The following SCN2A variants were observed in gnomAD, a reference collection of about 807,000 sequenced individuals.
The protein encoded by SCN2A is sodium channel protein type 2 subunit alpha.
A neutral mutation model predicts 188.7 loss-of-function variants in SCN2A; 20 were observed. That is an observed-to-expected ratio of 0.11 (90% CI 0.07 to 0.15). The LOEUF is 0.15. Among genes scored for constraint, SCN2A ranks in the 10% least tolerant of loss-of-function variants. The pLI is 1.00. For synonymous variants in SCN2A, 804 were observed against 833.1 expected (o/e 0.97, Z 0.60); for missense variants, 1,278 against 2,445.0 (o/e 0.52, Z 10.07).
At chr2:165,299,492 A>G (rs1008546569) in intron 3 of SCN2A, among the ~76,000 whole-genome samples, 4 of 152,210 alleles carry the variant, frequency 2.6e-5, no homozygotes, top group African/African-American at 7.2e-5. Context: ...AAAGTCTCTA[A>G]TTTCCTGACT....
chr2:165,290,719 C>T, intron 1 of SCN2A: 6 of 968,322 alleles, frequency 6.2e-6, no homozygotes, highest in Non-Finnish European at 7.4e-6. Context: ...TGACACTCAT[C>T]ATAGAGATTT....
intron 11 of SCN2A, among the ~76,000 whole-genome samples, chr2:165,319,383 A>G (rs1481503657): frequency 6.6e-6 from 1 of 152,208 alleles, no homozygotes; most frequent in East Asian, 1.9e-4. Context: ...ACTGTAAATA[A>G]TGAATAGAAT....
chr2:165,306,788 T>C (rs1456330173), intron 3 of SCN2A, among the ~76,000 whole-genome samples: 1 of 152,134 alleles, frequency 6.6e-6, no homozygotes, highest in African/African-American at 2.4e-5. Context: ...TCATTATGTG[T>C]AAGTAATGTG....
At chr2:165,253,800 A>G (rs1018287417) in intron 1 of SCN2A, among the ~76,000 whole-genome samples, 6 of 152,020 alleles carry the variant, frequency 3.9e-5, no homozygotes, top group Non-Finnish European at 7.4e-5. Flanking sequence ...TATTACTGAT[A>G]TATCCTATTA....
intron 13 of SCN2A, chr2:165,327,289 C>T: frequency 2.8e-6 from 1 of 360,668 alleles, no homozygotes; most frequent in South Asian, 2.4e-5. Flanking sequence ...ATGATAAATG[C>T]TTATACTTAT....
Position 165,354,345 on chromosome 2 carries a change from A to G in SCN2A, c.3073A>G (p.Ile1025Val), listed in dbSNP as rs1326998965. 6.2e-7 allele frequency: 1 copy of G among 1,614,154 alleles called. No individual in the cohort carries two copies. Among genetic ancestry groups the G allele is most frequent in the East Asian group, 2.2e-5 (1 of 44,866 alleles). Residue 1025 changes from isoleucine (I) to valine (V), a missense_variant, in exon 17 of 27, where the codon ATT (isoleucine) becomes GTT (valine). Coordinates refer to ENST00000375437, the MANE Select transcript of SCN2A (RefSeq NM_001040142.2). ...DFVKRKIREF[I>V]QKAFVRKQKA... ...TGTTAAAAGAAAAATACGTGAATTTATTCAGAAAGCCTTTGTTAGGAAGCA... is the reference window on the plus strand; with the variant it reads ...TGTTAAAAGAAAAATACGTGAATTTGTTCAGAAAGCCTTTGTTAGGAAGCA...
chr2:165,298,721 C>T (rs1218932495), intron 3 of SCN2A, among the ~76,000 whole-genome samples: 3 of 152,106 alleles, frequency 2.0e-5, no homozygotes, highest in Non-Finnish European at 4.4e-5. Context: ...ATGTTTCAAG[C>T]ATTTGTAATC....
At chr2:165,289,874 T>A (rs901597919) in intron 1 of SCN2A, among the ~76,000 whole-genome samples, 5 of 152,172 alleles carry the variant, frequency 3.3e-5, no homozygotes, top group African/African-American at 1.2e-4. Flanking sequence ...ATAACTAATA[T>A]AATGTTAAGG....
Position 165,360,502 on chromosome 2 carries a change from T to C in SCN2A, c.3400-4641T>C, listed in dbSNP as rs183259144. ...TATCCAGCATATAAAAGAATCACAGTAGATTTTCAATAGGAAGAGTCCTAT... is the reference window on the plus strand; with the variant it reads ...TATCCAGCATATAAAAGAATCACAGCAGATTTTCAATAGGAAGAGTCCTAT... On this transcript the variant is annotated intron_variant, in intron 17 of 26. Transcript: ENST00000375437. Among the ~76,000 whole-genome samples the C allele has an allele frequency of 1.7e-3, 257 of 152,012 alleles. 1 individual carries two copies. Among genetic ancestry groups the C allele is most frequent in the Admixed American group, 3.5e-3 (54 of 15,248 alleles).
chr2:165,324,403 C>T (rs1698243580), intron 12 of SCN2A, among the ~76,000 whole-genome samples: 1 of 152,028 alleles, frequency 6.6e-6, no homozygotes, highest in South Asian at 2.1e-4. Flanking sequence ...ATACGGAGTT[C>T]GTTTTCAGTT....
At chr2:165,356,959 C>T (rs544399500) in intron 17 of SCN2A, among the ~76,000 whole-genome samples, 32 of 152,238 alleles carry the variant, frequency 2.1e-4, no homozygotes, top group African/African-American at 6.3e-4. Context: ...AGAGAACTGA[C>T]CTGCCAGGTG....
At chr2:165,283,405 A>G (rs1695669718) in intron 1 of SCN2A, among the ~76,000 whole-genome samples, 1 of 152,202 alleles carries the variant, frequency 6.6e-6, no homozygotes, top group African/African-American at 2.4e-5. Context: ...TTAACTCATC[A>G]ATAAATGAAT....
chr2:165,255,386 C>A (rs983369800), intron 1 of SCN2A, among the ~76,000 whole-genome samples: 1 of 152,026 alleles, frequency 6.6e-6, no homozygotes, highest in Non-Finnish European at 1.5e-5. Flanking sequence ...TCTTTCCCTT[C>A]CAACTATTTT....
chr2:165,263,696 G>A (rs1694708866), intron 1 of SCN2A, among the ~76,000 whole-genome samples: 2 of 151,768 alleles, frequency 1.3e-5, no homozygotes, highest in Admixed American at 1.3e-4. Flanking sequence ...TGACTATGCG[G>A]GCTCTTTTTA....
rs1045054025 is a variant in SCN2A, at chr2:165,248,578, C to A, written c.-52+8938C>A. ...CTTCATTCTTATCGTCTCCCACATT[C>A]TTCTATACTTTCTTTTCTTTGTTAT... On this transcript the variant is annotated intron_variant, in intron 1 of 26. Transcript: ENST00000375437. 2.0e-5 allele frequency among the ~76,000 whole-genome samples: 3 copies of A among 152,126 alleles called. No homozygotes were observed. In the South Asian group the frequency reaches 6.2e-4, roughly 31 times the overall value.
chr2:165,262,771 TG>T (rs1694662140), intron 1 of SCN2A, among the ~76,000 whole-genome samples: 1 of 152,182 alleles, frequency 6.6e-6, no homozygotes, highest in Non-Finnish European at 1.5e-5. Context: ...TACTCAGTAG[TG>T]GAATTGCTGG....
intron 1 of SCN2A, among the ~76,000 whole-genome samples, chr2:165,259,931 ATTTTTTTTTT>A (rs140137535): frequency 1.5e-4 from 13 of 89,494 alleles, no homozygotes; most frequent in African/African-American, 6.0e-4. Context: ...CTAAAAATGG[ATTTTTTTTTT>A]TTTTTTTTTT....
intron 22 of SCN2A, among the ~76,000 whole-genome samples, chr2:165,375,607 C>A (rs1701268110): frequency 1.3e-5 from 2 of 151,922 alleles, no homozygotes; most frequent in Non-Finnish European, 2.9e-5. Flanking sequence ...TTCAGAATTA[C>A]TATGTCCGCA....
intron 14 of SCN2A, 22 bp from the exon 15 acceptor site, chr2:165,342,274 A>G (rs1699359935): frequency 1.2e-6 from 2 of 1,605,932 alleles, no homozygotes; most frequent in Admixed American, 3.3e-5. Context: ...TGCTCATATA[A>G]TGAACTACAC....
Sources: gnomAD v4.1 joint callset for allele counts (sites outside exome capture counted in the v4.1 genomes callset) on GRCh38, gnomAD v4.1.1 for gene constraint, MANE v1.5 for transcripts, NCBI Gene and HGNC (gene_info 2026-07-23, HGNC 2026-07-21) for gene names.